The following DNM3 variants were observed in gnomAD, a reference collection of about 807,000 sequenced individuals.
DNM3 encodes dynamin-3.
Under a neutral mutation model 101.6 loss-of-function variants are expected in DNM3, and 47 were observed. The observed-to-expected ratio is 0.46, with a 90% CI of 0.37 to 0.59. The LOEUF is 0.59. Ranked by LOEUF, DNM3 falls within the 20% of genes least tolerant of loss-of-function variation. DNM3 has a pLI of 0.00. For synonymous variants in DNM3, 385 were observed against 387.9 expected (o/e 0.99, Z 0.09); for missense variants, 849 against 1,085.7 (o/e 0.78, Z 3.06).
At chr1:172,132,440 A>G (rs2056990575) in intron 14 of DNM3, among the ~76,000 whole-genome samples, 1 of 152,170 alleles carries the variant, frequency 6.6e-6, no homozygotes, top group South Asian at 2.1e-4. Context: ...TCACTGTGAT[A>G]GTATGAGGGT....
intron 4 of DNM3, among the ~76,000 whole-genome samples, chr1:171,999,289 C>T (rs1052862170): frequency 6.6e-6 from 1 of 152,068 alleles, no homozygotes; most frequent in African/African-American, 2.4e-5. Flanking sequence ...ATAGACTTTA[C>T]TAATGGTTTG....
intron 17 of DNM3, among the ~76,000 whole-genome samples, chr1:172,325,412 G>A (rs1264937973): frequency 6.6e-6 from 1 of 152,080 alleles, no homozygotes; most frequent in Non-Finnish European, 1.5e-5. Context: ...GGAGGTGCTA[G>A]TATTTATTGC....
intron 4 of DNM3, among the ~76,000 whole-genome samples, chr1:171,989,788 AT>A (rs2045515426): frequency 6.6e-6 from 1 of 152,148 alleles, no homozygotes; most frequent in South Asian, 2.1e-4. Context: ...GTTTAAAGTG[AT>A]TGTGGAAGGG....
At chr1:171,973,873 C>T (rs2044191304) in intron 2 of DNM3, among the ~76,000 whole-genome samples, 1 of 152,022 alleles carries the variant, frequency 6.6e-6, no homozygotes, top group Non-Finnish European at 1.5e-5. Flanking sequence ...CCATGTTGCC[C>T]AGGCTAGTCT....
intron 4 of DNM3, among the ~76,000 whole-genome samples, chr1:172,029,423 T>C (rs1476373222): frequency 6.6e-6 from 1 of 152,154 alleles, no homozygotes; most frequent in Non-Finnish European, 1.5e-5. Context: ...ATAAGAGCTA[T>C]TTATGACAAA....
chr1:171,888,971 G>A (rs746299281), intron 1 of DNM3, among the ~76,000 whole-genome samples: 30 of 152,064 alleles, frequency 2.0e-4, no homozygotes, highest in Non-Finnish European at 3.8e-4. Flanking sequence ...ATTTACTTAC[G>A]AATGATTTTT....
At chr1:171,895,720 A>G (rs532829830) in intron 1 of DNM3, among the ~76,000 whole-genome samples, 151 of 152,178 alleles carry the variant, frequency 9.9e-4, no homozygotes, top group South Asian at 8.9e-3. Context: ...GCCCATGCCT[A>G]TGTCCTGAAT....
At chr1:172,312,961 A>G (rs1321045719) in intron 16 of DNM3, among the ~76,000 whole-genome samples, 1 of 152,198 alleles carries the variant, frequency 6.6e-6, no homozygotes, top group Non-Finnish European at 1.5e-5. Context: ...TCTAAAATGG[A>G]AAGGAGGAGT....
At chr1:172,119,567 C>T (rs2148003588) in intron 13 of DNM3, among the ~76,000 whole-genome samples, 1 of 152,232 alleles carries the variant, frequency 6.6e-6, no homozygotes, top group East Asian at 1.9e-4. Context: ...AGCGCTCAGT[C>T]CTGGGCCCTC....
At position 172,055,044 on chromosome 1, in the gene DNM3, G is replaced by T. The variant is rs796860579; in HGVS notation, c.1335+6294G>T. Among the ~76,000 whole-genome samples, 3 of 141,500 alleles carry T rather than the reference G, an allele frequency of 2.1e-5. No individual in the cohort carries two copies. The Admixed American group carries it at 2.4e-4, about 11-fold the overall frequency. 92.8% of individuals were successfully genotyped at this position (141,500 alleles called of 152,430 possible). A position where few individuals can be genotyped will look rare whatever the true frequency, so the allele number is the denominator to read the frequency against. On this transcript the variant is annotated intron_variant, in intron 10 of 20. Coordinates refer to ENST00000627582, the MANE Select transcript of DNM3 (RefSeq NM_015569.5). ...GCTGTTAGAAGAAATGCCAAATTTT[G>T]TGGCTTATTAGGTAAGTAAATATCT...
At chr1:171,873,487 T>C (rs1200075570) in intron 1 of DNM3, among the ~76,000 whole-genome samples, 1 of 152,050 alleles carries the variant, frequency 6.6e-6, no homozygotes, top group Non-Finnish European at 1.5e-5. Context: ...ATACCCAAAG[T>C]AAATAAGTAA....
intron 14 of DNM3, among the ~76,000 whole-genome samples, chr1:172,147,021 T>A (rs1237390079): frequency 6.6e-6 from 1 of 152,118 alleles, no homozygotes; most frequent in East Asian, 1.9e-4. Context: ...GAGACAGCTA[T>A]AGAAATTGAG....
At chr1:172,100,424 A>C (rs138293733) in intron 13 of DNM3, among the ~76,000 whole-genome samples, 144 of 152,294 alleles carry the variant, frequency 9.5e-4, no homozygotes, top group Middle Eastern at 3.4e-3. Flanking sequence ...TAGTTCTTCA[A>C]CCTCTGTATG....
chr1:172,351,043 A>T (rs925113193), intron 17 of DNM3, among the ~76,000 whole-genome samples: 3 of 152,192 alleles, frequency 2.0e-5, no homozygotes, highest in Admixed American at 2.0e-4. Context: ...TAGAACACTT[A>T]TAAACATTCA....
chr1:171,868,788 T>G lies in DNM3; in HGVS notation c.161+26971T>G, dbSNP rs141253820. 3.6e-3 allele frequency among the ~76,000 whole-genome samples: 547 copies of G among 152,268 alleles called. 2 individuals carry two copies. The highest frequency in any genetic ancestry group is 5.4e-3 in the Non-Finnish European group (370 of 68,016). ...TGCTTCTGGTGTCCTTTGTACAATT[T>G]CTTTTTTTTTTTTGAGACGGAGTCT... On this transcript the variant is annotated intron_variant, in intron 1 of 20. Transcript: ENST00000627582.
chr1:171,982,064 C>T (rs1359305093), intron 2 of DNM3, among the ~76,000 whole-genome samples: 1 of 152,116 alleles, frequency 6.6e-6, no homozygotes, highest in East Asian at 1.9e-4. Flanking sequence ...ATACTGAGAA[C>T]ATGTCAAGAG....
intron 14 of DNM3, among the ~76,000 whole-genome samples, chr1:172,214,572 A>G (rs1048274667): frequency 2.6e-5 from 4 of 152,150 alleles, no homozygotes; most frequent in Admixed American, 2.0e-4. Flanking sequence ...CTAAAGCTGT[A>G]CTAAACATAA....
At chr1:171,924,475 A>C (rs776168439) in intron 2 of DNM3, among the ~76,000 whole-genome samples, 27 of 152,230 alleles carry the variant, frequency 1.8e-4, no homozygotes, top group Non-Finnish European at 3.7e-4. Flanking sequence ...GGGAGGTCTC[A>C]GGAAACTTAC....
chr1:172,127,052 A>G (rs745810184), intron 13 of DNM3, among the ~76,000 whole-genome samples: 1 of 152,098 alleles, frequency 6.6e-6, no homozygotes, highest in Non-Finnish European at 1.5e-5. Context: ...AAGAAAATGA[A>G]TTCTAGTTGT....
Sources: gnomAD v4.1 joint callset for allele counts (sites outside exome capture counted in the v4.1 genomes callset) on GRCh38, gnomAD v4.1.1 for gene constraint, MANE v1.5 for transcripts, NCBI Gene and HGNC (gene_info 2026-07-23, HGNC 2026-07-21) for gene names.